PHTF2: variants seen among roughly 807,000 people sequenced by gnomAD.
PHTF2 encodes the protein protein PHTF2.
In PHTF2, 60 loss-of-function variants were observed where a neutral mutation model predicts 101.2. The ratio of observed to expected loss-of-function variants is 0.59; its 90% CI spans 0.48 to 0.73. The LOEUF (loss-of-function observed/expected upper bound fraction) is 0.73. PHTF2 is among the 30% of genes least tolerant of loss of function. The pLI is 0.00. For synonymous variants in PHTF2, 311 were observed against 307.3 expected (o/e 1.01, Z -0.13); for missense variants, 747 against 908.7 (o/e 0.82, Z 2.29).
intron 13 of PHTF2, among the ~76,000 whole-genome samples, chr7:77,938,791 TAAAAA>T (rs975809158): frequency 1.3e-5 from 2 of 152,096 alleles, no homozygotes; most frequent in Non-Finnish European, 1.5e-5. Context: ...AATAAATAAA[TAAAAA>T]TAAAATAAAA....
chr7:77,868,637 G>A (rs940098512), intron 3 of PHTF2, among the ~76,000 whole-genome samples: 2 of 152,074 alleles, frequency 1.3e-5, no homozygotes, highest in African/African-American at 2.4e-5. Flanking sequence ...AACGGTTTCT[G>A]CTACTAAGAA....
chr7:77,923,224 T>G, intron 11 of PHTF2: 1 of 898,838 alleles, frequency 1.1e-6, no homozygotes, highest in Non-Finnish European at 1.3e-6. Flanking sequence ...TTTTCCTTAT[T>G]AATCTTTATT....
In PHTF2 at chr7:77,845,886, C is replaced by T. The variant is rs1199363442; in HGVS notation, c.45+5586C>T. Among the ~76,000 whole-genome samples, 6 of 152,286 alleles carry T rather than the reference C, an allele frequency of 3.9e-5. No homozygotes were observed. In the South Asian group the frequency reaches 8.3e-4, roughly 21 times the overall value. On this transcript the variant is annotated intron_variant, in intron 2 of 19. Coordinates refer to ENST00000416283, the Ensembl canonical transcript of PHTF2. ...AAATTTATTGGCTTTCAAGCTAAAC[C>T]GTGCTGAGTAGTGAAGCTTTTCTCA...
intron 16 of PHTF2, among the ~76,000 whole-genome samples, chr7:77,948,297 C>T (rs1474208572): frequency 6.6e-6 from 1 of 151,904 alleles, no homozygotes; most frequent in African/African-American, 2.4e-5. Flanking sequence ...ATGTAGAAAC[C>T]TAATATATGA....
chr7:77,852,026 GT>G (rs1562875458), intron 2 of PHTF2, among the ~76,000 whole-genome samples: 1 of 151,970 alleles, frequency 6.6e-6, no homozygotes, highest in African/African-American at 2.4e-5. Flanking sequence ...GTTTCCAAAG[GT>G]TTTTTTGTGT....
chr7:77,891,545 C>A (rs1035440568), intron 3 of PHTF2, among the ~76,000 whole-genome samples: 4 of 131,880 alleles, frequency 3.0e-5, no homozygotes, highest in African/African-American at 1.3e-4. Context: ...CTAGGTGTTA[C>A]AATATTTTAA....
intron 11 of PHTF2, chr7:77,923,660 A>AT (rs1803689439): frequency 1.0e-6 from 1 of 985,072 alleles, no homozygotes; most frequent in South Asian, 4.7e-5. Flanking sequence ...CACCCATGTC[A>AT]TTTGATGTAG....
intron 12 of PHTF2, among the ~76,000 whole-genome samples, chr7:77,934,125 T>G (rs1804867295): frequency 6.6e-6 from 1 of 152,232 alleles, no homozygotes; most frequent in South Asian, 2.1e-4. Context: ...TAGTTTTTTT[T>G]CTTGTTTAAC....
At chr7:77,957,441 C>T (rs1199574442) in exon 20 of PHTF2, 1 of 152,102 alleles carries the variant, frequency 6.6e-6, no homozygotes, top group Non-Finnish European at 1.5e-5. Flanking sequence ...TTGTTTGCTT[C>T]TTTGTTTTTG....
intron 12 of PHTF2, among the ~76,000 whole-genome samples, chr7:77,935,214 C>CT (rs1158677069): frequency 0.082 from 4,847 of 59,318 alleles, 989 homozygotes; most frequent in South Asian, 0.1. Context: ...GTAATTTACC[C>CT]TTTTTTTTTT....
chr7:77,954,612 G>GTGTGTGTATATA (rs1426693429), intron 19 of PHTF2, among the ~76,000 whole-genome samples: 30 of 90,200 alleles, frequency 3.3e-4, no homozygotes, highest in Non-Finnish European at 4.1e-4. Context: ...CAAGTACTGT[G>GTGTGTGTATATA]TATATATATA....
At chr7:77,932,235 G>A (rs546325215) in intron 12 of PHTF2, among the ~76,000 whole-genome samples, 2 of 152,238 alleles carry the variant, frequency 1.3e-5, no homozygotes, top group South Asian at 4.1e-4. Context: ...GATATATACA[G>A]GAGAAAACAG....
chr7:77,828,995 G>A (rs1354835364), intron 1 of PHTF2, among the ~76,000 whole-genome samples: 1 of 152,006 alleles, frequency 6.6e-6, no homozygotes, highest in South Asian at 2.1e-4. Context: ...ACAACAAAGT[G>A]AGACCCGGCC....
intron 9 of PHTF2, among the ~76,000 whole-genome samples, chr7:77,914,512 T>G (rs2150887348): frequency 6.6e-6 from 1 of 152,276 alleles, no homozygotes. Flanking sequence ...TGCTGGGCCT[T>G]CTTCGAGGTC....
intron 3 of PHTF2, among the ~76,000 whole-genome samples, chr7:77,884,583 C>G (rs1461649701): frequency 6.6e-6 from 1 of 152,082 alleles, no homozygotes; most frequent in Non-Finnish European, 1.5e-5. Flanking sequence ...GGTTGTACAG[C>G]TATTAAATCA....
At chr7:77,913,719 G>A (rs189291060) in intron 9 of PHTF2, among the ~76,000 whole-genome samples, 1 of 152,220 alleles carries the variant, frequency 6.6e-6, no homozygotes, top group East Asian at 1.9e-4. Flanking sequence ...AAAGTGTTGA[G>A]ATTACAGGTG....
intron 2 of PHTF2, among the ~76,000 whole-genome samples, chr7:77,848,180 A>G (rs1425220688): frequency 6.6e-6 from 1 of 152,210 alleles, no homozygotes; most frequent in African/African-American, 2.4e-5. Flanking sequence ...GGGAGTGCAG[A>G]TATCTCTTCA....
At chr7:77,861,027 A>G (rs1584513130) in intron 3 of PHTF2, among the ~76,000 whole-genome samples, 1 of 152,246 alleles carries the variant, frequency 6.6e-6, no homozygotes, top group African/African-American at 2.4e-5. Flanking sequence ...TAAATTGGAC[A>G]TTTCTATATC....
chr7:77,827,288 A>C (rs1181792943), intron 1 of PHTF2, among the ~76,000 whole-genome samples: 3 of 152,176 alleles, frequency 2.0e-5, no homozygotes, highest in Non-Finnish European at 4.4e-5. Context: ...TCTGAAGTTC[A>C]TGAGTTCTTC....
Sources: allele counts gnomAD v4.1 joint callset (sites outside exome capture counted in the v4.1 genomes callset), GRCh38; gene constraint gnomAD v4.1.1; transcripts MANE v1.5; gene names NCBI Gene and HGNC (gene_info 2026-07-23, HGNC 2026-07-21).